The following TRIM11 variants were observed in gnomAD, a reference collection of about 807,000 sequenced individuals.
The protein encoded by TRIM11 is E3 ubiquitin-protein ligase TRIM11.
A neutral mutation model predicts 33.4 loss-of-function variants in TRIM11; 15 were observed. The ratio of observed to expected loss-of-function variants is 0.45; its 90% CI spans 0.30 to 0.69. The LOEUF is 0.69. TRIM11 is among the 30% of genes least tolerant of loss of function. TRIM11 has a pLI of 0.08. For synonymous variants in TRIM11, 281 were observed against 302.6 expected, an observed-to-expected ratio of 0.93 and a Z score of 0.74; for missense variants, 499 against 667.6, an observed-to-expected ratio of 0.75 and a Z score of 2.78.
At position 228,406,427 on chromosome 1, in the gene TRIM11, GC is replaced by G; in HGVS notation, c.134del (p.Gly45AlafsTer174). ...GGCACGCGTACGGGCCCTCGGGCTG[GC>G]CCCAGCAGCGCCGGATGCACTCGCG... Reference protein sequence around the residue: ...FCRECIRRCWGQPEGPYACPE... With the variant: ...FCRECIRRCWXQPEGPYACPE... On this transcript the variant is annotated frameshift_variant, in exon 1 of 6. Transcript: ENST00000284551. LOFTEE classifies it high-confidence loss of function. This position sits in a 1 kb window ranked among gnomAD's most constrained non-coding sequence, Gnocchi z 8.2. 1 of 1,583,972 alleles carries G rather than the reference GC, an allele frequency of 6.3e-7. No individual in the cohort carries two copies. Among genetic ancestry groups the G allele is most frequent in the Non-Finnish European group, 8.5e-7 (1 of 1,170,532 alleles).
Position 228,406,409 on chromosome 1 carries a change from GT to G in TRIM11, c.152del (p.Tyr51SerfsTer168). On this transcript the variant is annotated frameshift_variant, in exon 1 of 6. Transcript: ENST00000284551. LOFTEE classifies it high-confidence loss of function. The surrounding 1 kb of genome is among the most constrained non-coding windows in gnomAD (Gnocchi z 8.2). ...ACAGCTCGCGGCACTCGGGGCACGC[GT>G]ACGGGCCCTCGGGCTGGCCCCAGCA... ...RRCWGQPEGP[Y>X]ACPECRELSP... 1 of 1,573,372 alleles carries G rather than the reference GT, an allele frequency of 6.4e-7. No individual in the cohort carries two copies. The highest frequency in any genetic ancestry group is 8.6e-7 in the Non-Finnish European group (1 of 1,165,540).
chr1:228,402,237 G>A, intron 1 of TRIM11, 76 bp from the exon 2 acceptor site: 1 of 1,102,132 alleles, frequency 9.1e-7, no homozygotes, highest in South Asian at 1.5e-5. Flanking sequence ...CTGACACCCT[G>A]TCCCCTCCTC....
At position 228,396,963 on chromosome 1, in the gene TRIM11, T is replaced by C. The variant is rs536274833; in HGVS notation, c.843A>G (p.Thr281=). The change falls in exon 5 of 6, where the codon ACA becomes ACG. Residue 281 remains threonine (T), a synonymous_variant. Transcript: ENST00000284551. ...CACACCTACCTCGAAACCTCCGCAG[T>C]GTCTCTACCAGTCCCGGGACCCTGC... ...TVCRVPGLVE[T]LRRFRGDVTL... 3.0e-5 allele frequency: 49 copies of C among 1,613,996 alleles called. No individual in the cohort carries two copies. The highest frequency in any genetic ancestry group is 4.1e-5 in the Non-Finnish European group (48 of 1,180,014).
rs1186802149 is a variant in TRIM11, at chr1:228,403,155, G to A, written c.409-994C>T. 1 of 152,122 alleles carries A rather than the reference G, an allele frequency of 6.6e-6. No homozygotes were observed. The highest frequency in any genetic ancestry group is 1.9e-4 in the East Asian group (1 of 5,184). 9.4% of individuals were successfully genotyped at this position (152,122 alleles called of 1,614,324 possible). A position where few individuals can be genotyped will look rare whatever the true frequency, so the allele number is the denominator to read the frequency against. On this transcript the variant is annotated intron_variant, in intron 1 of 5. Transcript: ENST00000284551. This position sits in a 1 kb window ranked among gnomAD's most constrained non-coding sequence, Gnocchi z 4.8. ...AGCTCACTGTACTGTGTGTGCTTGG[G>A]GTGCCCTGAACCCACTTCTCGAAGG... is the stretch of plus-strand genomic sequence containing the variant.
Position 228,394,514 on chromosome 1 carries a change from G to T in TRIM11, c.*191C>A. The T allele has an allele frequency of 1.5e-6, 1 of 663,436 alleles. No homozygotes were observed. Among genetic ancestry groups the T allele is most frequent in the Non-Finnish European group, 2.4e-6 (1 of 409,278 alleles). 41.1% of individuals were successfully genotyped at this position (663,436 alleles called of 1,614,324 possible). On this transcript the variant is annotated 3_prime_UTR_variant, in exon 6 of 6. Transcript: ENST00000284551. This position sits in a 1 kb window ranked among gnomAD's most constrained non-coding sequence, Gnocchi z 6.2. ...GGGTCTCCCAGGGAGGACGGAGCCT[G>T]CCCCACACTCTCCCACAGTTTCCTG... is the stretch of plus-strand genomic sequence containing the variant.
chr1:228,398,867 G>C (rs2075007268), intron 3 of TRIM11, among the ~76,000 whole-genome samples: 1 of 152,076 alleles, frequency 6.6e-6, no homozygotes, highest in African/African-American at 2.4e-5. Context: ...CCGGGTGCAG[G>C]GGCGGCAGGA....
intron 3 of TRIM11, among the ~76,000 whole-genome samples, chr1:228,398,558 G>A (rs1574084401): frequency 6.6e-6 from 1 of 152,194 alleles, no homozygotes; most frequent in African/African-American, 2.4e-5. Flanking sequence ...CATCGAGGCT[G>A]CAGTCATAAT....
rs1426474506 is a variant in TRIM11, at chr1:228,395,174, T to TG, written c.937_938insC (p.Asp313AlafsTer14). 6.6e-7 allele frequency: 1 copy of TG among 1,519,906 alleles called. No individual in the cohort carries two copies. The highest frequency in any genetic ancestry group is 1.4e-5 in the African/African-American group (1 of 72,190). 94.2% of individuals were successfully genotyped at this position (1,519,906 alleles called of 1,614,324 possible). A position where few individuals can be genotyped will look rare whatever the true frequency, so the allele number is the denominator to read the frequency against. ...GCTGTCCGGCAGGGCCTGCCGTAGG[T>TG]CCCCCCGCTGCACGCTCCGCCTGTC... On this transcript the variant is annotated frameshift_variant, in exon 6 of 6. Coordinates refer to ENST00000284551, the MANE Select transcript of TRIM11 (RefSeq NM_145214.3). LOFTEE classifies it low-confidence loss of function (END_TRUNC). The surrounding 1 kb of genome is among the most constrained non-coding windows in gnomAD (Gnocchi z 4.8).
rs149732212 is a variant in TRIM11, at chr1:228,395,061, G to A, written c.1051C>T (p.Arg351Cys). The change falls in exon 6 of 6, where the codon CGC becomes TGC. Residue 351 changes from arginine to cysteine, a missense_variant. Transcript: ENST00000284551. The surrounding 1 kb of genome is among the most constrained non-coding windows in gnomAD (Gnocchi z 4.8). The part of the protein sequence containing the change: ...RHYWEVEVGD[R>C]TSWALGVCRE... ...CACACCCCCAGGGCCCAGCTGGTGC[G>A]GTCCCCAACCTCCACCTCCCAGTAG... 8.7e-6 allele frequency: 14 copies of A among 1,611,250 alleles called. No homozygotes were observed. Among genetic ancestry groups the A allele is most frequent in the East Asian group, 6.7e-5 (3 of 44,852 alleles).
chr1:228,401,328 G>A lies in TRIM11; in HGVS notation c.505-134C>T. The A allele has an allele frequency of 1.8e-6, 2 of 1,133,654 alleles. No homozygotes were observed. The highest frequency in any genetic ancestry group is 2.6e-5 in the East Asian group (1 of 38,414). 70.2% of individuals were successfully genotyped at this position (1,133,654 alleles called of 1,614,324 possible). A position where few individuals can be genotyped will look rare whatever the true frequency, so the allele number is the denominator to read the frequency against. On this transcript the variant is annotated intron_variant, in intron 2 of 5. Coordinates refer to ENST00000284551, the MANE Select transcript of TRIM11 (RefSeq NM_145214.3). The surrounding 1 kb of genome is among the most constrained non-coding windows in gnomAD (Gnocchi z 6.1). ...ACCCCCGGGGCCTGCTAAAGCCAAA[G>A]CACAGCACCAGGTGTGGCAGGACCC...
At position 228,397,179 on chromosome 1, in the gene TRIM11, A is replaced by G; in HGVS notation, c.736-14T>C. On this transcript the variant is annotated splice_polypyrimidine_tract_variant and intron_variant, in intron 3 of 5. Coordinates refer to ENST00000284551, the MANE Select transcript of TRIM11 (RefSeq NM_145214.3). ...GTCCTTGATGTCCTATGTGGGGAGG[A>G]GAAACAGCACACTCGGTGTCAGTGA... 1 of 1,610,618 alleles carries G rather than the reference A, an allele frequency of 6.2e-7. No individual in the cohort carries two copies. Among genetic ancestry groups the G allele is most frequent in the Non-Finnish European group, 8.5e-7 (1 of 1,177,998 alleles).
Position 228,397,171 on chromosome 1 carries a change from T to C in TRIM11, c.736-6A>G, listed in dbSNP as rs745973381. ...CGCAGGGCGTCCTTGATGTCCTATG[T>C]GGGGAGGAGAAACAGCACACTCGGT... is the stretch of plus-strand genomic sequence containing the variant. On this transcript the variant is annotated splice_polypyrimidine_tract_variant and splice_region_variant and intron_variant, in intron 3 of 5. Transcript: ENST00000284551. 11 of 1,611,764 alleles carry C rather than the reference T, an allele frequency of 6.8e-6. No homozygotes were observed. In the East Asian group the frequency reaches 2.2e-4, roughly 33 times the overall value.
Position 228,406,343 on chromosome 1 carries a change from CT to C in TRIM11, c.218del (p.Lys73ArgfsTer146). ...GCAGGCGCCGCGCCATCTCGGCCAT[CT>C]TAGCAAGCGGGCGGTTGGGCCGCAG... ...RNLRPNRPLA[K>X]MAEMARRLHP... is the part of the protein sequence containing the mutation. On this transcript the variant is annotated frameshift_variant, in exon 1 of 6. Coordinates refer to ENST00000284551, the MANE Select transcript of TRIM11 (RefSeq NM_145214.3). LOFTEE classifies it high-confidence loss of function. The surrounding 1 kb of genome is among the most constrained non-coding windows in gnomAD (Gnocchi z 8.2). 6.7e-7 allele frequency: 1 copy of C among 1,487,056 alleles called. No individual in the cohort carries two copies. The allele number at this position is 1,487,056 out of a possible 1,614,324, so 92.1% of individuals were successfully genotyped here.
At chr1:228,398,127 T>C (rs898530548) in intron 3 of TRIM11, among the ~76,000 whole-genome samples, 1 of 152,170 alleles carries the variant, frequency 6.6e-6, no homozygotes, top group African/African-American at 2.4e-5. Flanking sequence ...CAGTCTTCAG[T>C]GCACTGCAAG....
intron 3 of TRIM11, 67 bp from the exon 4 acceptor site, chr1:228,397,232 C>T: frequency 1.3e-6 from 2 of 1,562,300 alleles, no homozygotes; most frequent in Admixed American, 3.6e-5. Flanking sequence ...AGTCCCCTCC[C>T]CGCCCCTGGA....
At position 228,403,901 on chromosome 1, in the gene TRIM11, C is replaced by CA. The variant is rs1574087823; in HGVS notation, c.409-1741dup. ...AACTCCTGACCTCAGGTGATCCGCCCACCTCGGCCTCCCAAATTGCTGGGA... is the reference window on the plus strand; with the variant it reads ...AACTCCTGACCTCAGGTGATCCGCCCAACCTCGGCCTCCCAAATTGCTGGGA... On this transcript the variant is annotated intron_variant, in intron 1 of 5. Coordinates refer to ENST00000284551, the MANE Select transcript of TRIM11 (RefSeq NM_145214.3). This position sits in a 1 kb window ranked among gnomAD's most constrained non-coding sequence, Gnocchi z 4.8. 6.6e-6 allele frequency: 1 copy of CA among 152,270 alleles called. No individual in the cohort carries two copies. The highest frequency in any genetic ancestry group is 2.4e-5 in the African/African-American group (1 of 41,462). 9.4% of individuals were successfully genotyped at this position (152,270 alleles called of 1,614,324 possible). A position where few individuals can be genotyped will look rare whatever the true frequency, so the allele number is the denominator to read the frequency against.
intron 4 of TRIM11, 22 bp downstream of exon 4, chr1:228,397,121 C>T (rs1255466778): frequency 1.9e-6 from 3 of 1,612,328 alleles, no homozygotes; most frequent in Non-Finnish European, 2.5e-6. Flanking sequence ...TGCCCCCCCT[C>T]CAGGAGAGGC....
intron 3 of TRIM11, chr1:228,397,747 A>C (rs2074998997): frequency 6.6e-6 from 1 of 152,524 alleles, no homozygotes. Context: ...AAACTTCAGG[A>C]CTTCAGAACT....
intron 5 of TRIM11, 49 bp downstream of exon 5, chr1:228,396,898 G>A (rs1239139658): frequency 6.3e-7 from 1 of 1,576,664 alleles, no homozygotes; most frequent in African/African-American, 1.3e-5. Flanking sequence ...CAGGTCCTTG[G>A]CAGGTCCCCT....
Sources: gnomAD v4.1 joint callset for allele counts (sites outside exome capture counted in the v4.1 genomes callset) on GRCh38, gnomAD v4.1.1 for gene constraint, Gnocchi (gnomAD v3.1) non-coding constraint, MANE v1.5 for transcripts, NCBI Gene and HGNC (gene_info 2026-07-23, HGNC 2026-07-21) for gene names.